ARB2A: variants seen among roughly 807,000 people sequenced by gnomAD.
ARB2A encodes the protein ARB2 cotranscriptional regulator A.
the ARB2A span, among the ~76,000 whole-genome samples, chr5:93,628,286 T>C: frequency 6.6e-6 from 1 of 152,056 alleles, no homozygotes; most frequent in African/African-American, 2.4e-5. Context: ...CTTGACTTCA[T>C]GATCCTCCCA....
At chr5:93,824,129 G>T in the ARB2A span, 1 of 1,554,242 alleles carries the variant, frequency 6.4e-7, no homozygotes, top group South Asian at 1.2e-5. Context: ...GAACTACAGA[G>T]AGTAAAATAA....
the ARB2A span, among the ~76,000 whole-genome samples, chr5:93,874,187 C>G: frequency 6.6e-6 from 1 of 152,068 alleles, no homozygotes; most frequent in Non-Finnish European, 1.5e-5. Flanking sequence ...AATACGAAAA[C>G]ATATTTGGTC....
chr5:93,665,196 A>G, the ARB2A span, among the ~76,000 whole-genome samples: 1 of 152,200 alleles, frequency 6.6e-6, no homozygotes, highest in East Asian at 1.9e-4. Context: ...TAGCTATTAC[A>G]CCTAGAGAAT....
the ARB2A span, among the ~76,000 whole-genome samples, chr5:93,757,168 A>G: frequency 6.6e-6 from 1 of 152,136 alleles, no homozygotes; most frequent in Non-Finnish European, 1.5e-5. Context: ...ACCCAATCCA[A>G]CAAAGACAAA....
the ARB2A span, chr5:93,741,628 A>ACCGGCCCCCTCAAGCCC: frequency 3.5e-6 from 5 of 1,437,680 alleles, no homozygotes; most frequent in Non-Finnish European, 3.7e-6. Flanking sequence ...CAGAACAGCC[A>ACCGGCCCCCTCAAGCCC]CCGGCCCCCT....
chr5:93,655,395 CT>C, the ARB2A span, among the ~76,000 whole-genome samples: 1 of 152,130 alleles, frequency 6.6e-6, no homozygotes, highest in Admixed American at 6.5e-5. Flanking sequence ...TTATACTGTC[CT>C]TAGTATCCAT....
the ARB2A span, among the ~76,000 whole-genome samples, chr5:93,640,838 C>T: frequency 1.3e-5 from 2 of 152,078 alleles, no homozygotes; most frequent in African/African-American, 2.4e-5. Context: ...ATGTGTTACA[C>T]AATTTGTTGA....
At chr5:93,783,918 T>C in the ARB2A span, among the ~76,000 whole-genome samples, 1 of 152,194 alleles carries the variant, frequency 6.6e-6, no homozygotes, top group Non-Finnish European at 1.5e-5. Flanking sequence ...TTTCAGCTTT[T>C]TTCTTCTCTT....
At chr5:93,937,777 G>T in the ARB2A span, among the ~76,000 whole-genome samples, 2 of 151,962 alleles carry the variant, frequency 1.3e-5, no homozygotes, top group Admixed American at 1.3e-4. Context: ...ATATAAAATG[G>T]TGTAGTATTT....
At chr5:93,891,551 C>T in the ARB2A span, among the ~76,000 whole-genome samples, 2 of 151,882 alleles carry the variant, frequency 1.3e-5, no homozygotes, top group South Asian at 2.1e-4. Context: ...TTGAAATAAG[C>T]AAAAAGATAT....
the ARB2A span, among the ~76,000 whole-genome samples, chr5:93,669,078 A>G: frequency 4.6e-5 from 7 of 152,342 alleles, no homozygotes; most frequent in East Asian, 1.4e-3. Context: ...TAACTTTAAA[A>G]GTCATCCTAA....
the ARB2A span, among the ~76,000 whole-genome samples, chr5:93,806,398 T>C: frequency 8.7e-3 from 1,324 of 152,032 alleles, 26 homozygotes; most frequent in Non-Finnish European, 6.5e-3. Context: ...ATTTTAGACA[T>C]TCTAAGTTTA....
chr5:93,896,517 A>G, the ARB2A span, among the ~76,000 whole-genome samples: 1 of 152,130 alleles, frequency 6.6e-6, no homozygotes, highest in East Asian at 1.9e-4. Context: ...CTCATTATGT[A>G]TATGCAAATA....
chr5:93,934,258 AAATTC>A, the ARB2A span, among the ~76,000 whole-genome samples: 1 of 152,336 alleles, frequency 6.6e-6, no homozygotes, highest in African/African-American at 2.4e-5. Context: ...AATCACCTAT[AAATTC>A]TTCTTTATTT....
the ARB2A span, among the ~76,000 whole-genome samples, chr5:94,108,307 T>C: frequency 6.6e-6 from 1 of 152,170 alleles, no homozygotes; most frequent in South Asian, 2.1e-4. Flanking sequence ...AGGATAGTCT[T>C]TGGCTTTCTG....
At chr5:93,920,057 TA>T in the ARB2A span, among the ~76,000 whole-genome samples, 2 of 152,306 alleles carry the variant, frequency 1.3e-5, no homozygotes, top group South Asian at 4.1e-4. Context: ...TCAGGTCAAT[TA>T]AAATTAAAAA....
At chr5:93,634,481 C>G in the ARB2A span, among the ~76,000 whole-genome samples, 1 of 152,060 alleles carries the variant, frequency 6.6e-6, no homozygotes, top group Admixed American at 6.5e-5. Flanking sequence ...ATATTTCTTG[C>G]CTTCTCCAAC....
the ARB2A span, among the ~76,000 whole-genome samples, chr5:93,823,761 C>A: frequency 2.7e-3 from 415 of 152,030 alleles, 1 homozygote; most frequent in African/African-American, 9.6e-3. Flanking sequence ...TTGAGAACAT[C>A]CTGGCCAACA....
At chr5:93,833,438 G>A in the ARB2A span, among the ~76,000 whole-genome samples, 32 of 152,064 alleles carry the variant, frequency 2.1e-4, no homozygotes, top group Non-Finnish European at 2.8e-4. Context: ...TGGATAAAGC[G>A]TAAGTATCCA....
Sources: gnomAD v4.1 joint callset for allele counts (sites outside exome capture counted in the v4.1 genomes callset) on GRCh38, gnomAD v4.1.1 for gene constraint, MANE v1.5 for transcripts, NCBI Gene and HGNC (gene_info 2026-07-23, HGNC 2026-07-21) for gene names.